The following WDR70 variants were observed in gnomAD, a reference collection of about 807,000 sequenced individuals.
The protein encoded by WDR70 is WD repeat domain 70, also known as WD repeat-containing protein 70.
In WDR70, 53 loss-of-function variants were observed where a neutral mutation model predicts 88.6. The observed-to-expected ratio is 0.60, with a 90% confidence interval of 0.48 to 0.75. The LOEUF (loss-of-function observed/expected upper bound fraction) is 0.75. WDR70 is among the 30% of genes least tolerant of loss of function. The pLI is 0.00. For synonymous variants in WDR70, 280 were observed against 270.0 expected, an observed-to-expected ratio of 1.04 and a Z score of -0.36; for missense variants, 610 against 823.2, an observed-to-expected ratio of 0.74 and a Z score of 3.17.
chr5:37,388,235 G>A (rs1484237874), intron 3 of WDR70, among the ~76,000 whole-genome samples: 1 of 151,590 alleles, frequency 6.6e-6, no homozygotes, highest in Non-Finnish European at 1.5e-5. Flanking sequence ...TTCTTCCTCA[G>A]CCCCCTGAGT....
At chr5:37,564,360 C>A (rs1458292809) in intron 9 of WDR70, among the ~76,000 whole-genome samples, 1 of 152,190 alleles carries the variant, frequency 6.6e-6, no homozygotes, top group Non-Finnish European at 1.5e-5. Context: ...CCCGTCTCCA[C>A]CAAAAAAAAT....
chr5:37,627,665 CTTAATT>C (rs895348939), intron 10 of WDR70, among the ~76,000 whole-genome samples: 2 of 151,908 alleles, frequency 1.3e-5, no homozygotes, highest in Admixed American at 1.3e-4. Flanking sequence ...AAATTTCATT[CTTAATT>C]TTGAGTTTAA....
intron 5 of WDR70, among the ~76,000 whole-genome samples, chr5:37,428,917 G>A (rs1404621152): frequency 2.6e-5 from 4 of 152,172 alleles, no homozygotes; most frequent in Admixed American, 6.5e-5. Context: ...ACTTGGTATT[G>A]TTGATAATTT....
chr5:37,648,466 G>C (rs1745303109), intron 10 of WDR70, among the ~76,000 whole-genome samples: 1 of 151,936 alleles, frequency 6.6e-6, no homozygotes, highest in South Asian at 2.1e-4. Context: ...ACATTGACTT[G>C]AACTACTTAA....
chr5:37,608,474 G>A (rs1744097178), intron 10 of WDR70, among the ~76,000 whole-genome samples: 1 of 151,898 alleles, frequency 6.6e-6, no homozygotes, highest in Non-Finnish European at 1.5e-5. Context: ...CTCCCTGCCA[G>A]TGGTACTCTC....
At chr5:37,724,606 G>A (rs950780951) in intron 15 of WDR70, 3 of 220,378 alleles carry the variant, frequency 1.4e-5, no homozygotes, top group African/African-American at 2.3e-5. Context: ...AAAAATAAGA[G>A]GCAGTCCCAA....
chr5:37,741,664 C>T (rs181316949), intron 17 of WDR70, among the ~76,000 whole-genome samples: 2 of 152,314 alleles, frequency 1.3e-5, no homozygotes, highest in Non-Finnish European at 2.9e-5. Flanking sequence ...AATGCTCACT[C>T]GCCCACTGCT....
chr5:37,508,409 G>C (rs1286159355), intron 8 of WDR70, among the ~76,000 whole-genome samples: 1 of 152,182 alleles, frequency 6.6e-6, no homozygotes, highest in Admixed American at 6.5e-5. Flanking sequence ...AATGTATGGT[G>C]GTTAAGCCAC....
At chr5:37,530,504 T>C (rs1394939061) in intron 9 of WDR70, among the ~76,000 whole-genome samples, 1 of 152,072 alleles carries the variant, frequency 6.6e-6, no homozygotes, top group Non-Finnish European at 1.5e-5. Context: ...CTGTTCAGAA[T>C]TTCTTTATCT....
Position 37,519,576 on chromosome 5 carries a change from G to A in WDR70, c.917+2986G>A, listed in dbSNP as rs553804405. On this transcript the variant is annotated intron_variant, in intron 9 of 17. Transcript: ENST00000265107. ...GCTCCTCACCTCCCAGACGATGGGC[G>A]GCGGGGCAGAGGCGCTCCTCACCTC... 6.9e-5 allele frequency among the ~76,000 whole-genome samples: 10 copies of A among 144,566 alleles called. No homozygotes were observed. In the East Asian group the frequency reaches 1.3e-3, roughly 18 times the overall value. The allele number at this position is 144,566 out of a possible 152,430, so 94.8% of individuals were successfully genotyped here.
chr5:37,486,306 G>A (rs1739866294), intron 8 of WDR70, among the ~76,000 whole-genome samples: 1 of 151,822 alleles, frequency 6.6e-6, no homozygotes, highest in Non-Finnish European at 1.5e-5. Flanking sequence ...GTTATTGAAT[G>A]CCCAGTATGT....
chr5:37,677,867 A>G (rs931359709), intron 10 of WDR70, among the ~76,000 whole-genome samples: 1 of 152,186 alleles, frequency 6.6e-6, no homozygotes, highest in African/African-American at 2.4e-5. Context: ...GTGGGAGTCT[A>G]AATCTCTTTG....
Position 37,480,912 on chromosome 5 carries a change from C to T in WDR70, c.840+925C>T, listed in dbSNP as rs143960002. On this transcript the variant is annotated intron_variant, in intron 8 of 17. Transcript: ENST00000265107. ...GCAAGTTAGTTACTTTCTAGATAAACAGGGATACAGGCTTTGGGTAAATAC... is the reference window on the plus strand; with the variant it reads ...GCAAGTTAGTTACTTTCTAGATAAATAGGGATACAGGCTTTGGGTAAATAC... Among the ~76,000 whole-genome samples, 158 of 152,316 alleles carry T rather than the reference C, an allele frequency of 1.0e-3. 1 individual carries two copies. In the East Asian group the frequency reaches 0.027, roughly 26 times the overall value.
At chr5:37,623,518 GTAAA>G (rs1744574322) in intron 10 of WDR70, among the ~76,000 whole-genome samples, 1 of 152,100 alleles carries the variant, frequency 6.6e-6, no homozygotes, top group Admixed American at 6.6e-5. Flanking sequence ...GCTGATAATA[GTAAA>G]TAGACAAGTA....
chr5:37,683,352 T>C (rs1164905229), intron 10 of WDR70, among the ~76,000 whole-genome samples: 1 of 152,180 alleles, frequency 6.6e-6, no homozygotes, highest in African/African-American at 2.4e-5. Context: ...CATTCAAGAT[T>C]AGTATCAAAG....
chr5:37,564,237 T>C (rs1020881810), intron 9 of WDR70, among the ~76,000 whole-genome samples: 3 of 151,844 alleles, frequency 2.0e-5, no homozygotes, highest in East Asian at 3.9e-4. Context: ...CTGGGCACCA[T>C]TGAGCACTGA....
intron 9 of WDR70, among the ~76,000 whole-genome samples, chr5:37,535,784 G>A (rs1741648295): frequency 6.6e-6 from 1 of 152,096 alleles, no homozygotes; most frequent in African/African-American, 2.4e-5. Context: ...AGTCGGATAG[G>A]TGGTAATGTT....
chr5:37,446,132 T>C (rs1232766654), intron 7 of WDR70, among the ~76,000 whole-genome samples: 1 of 152,136 alleles, frequency 6.6e-6, no homozygotes, highest in Non-Finnish European at 1.5e-5. Flanking sequence ...ACAAGCATTC[T>C]TATACACCAA....
intron 9 of WDR70, among the ~76,000 whole-genome samples, chr5:37,548,056 A>C (rs2112342575): frequency 6.6e-6 from 1 of 152,274 alleles, no homozygotes; most frequent in East Asian, 1.9e-4. Context: ...GTTGATGGAC[A>C]CTTAGTTTGG....
Sources: gnomAD v4.1 joint callset for allele counts (sites outside exome capture counted in the v4.1 genomes callset) on GRCh38, gnomAD v4.1.1 for gene constraint, MANE v1.5 for transcripts, NCBI Gene and HGNC (gene_info 2026-07-23, HGNC 2026-07-21) for gene names.